Variants in ELOVL6 observed in about 807,000 individuals in gnomAD.
ELOVL6 encodes the protein ELOVL fatty acid elongase 6.
A neutral mutation model predicts 31.7 loss-of-function variants in ELOVL6; 8 were observed. The observed-to-expected ratio is 0.25, with a 90% confidence interval of 0.15 to 0.45. The LOEUF (loss-of-function observed/expected upper bound fraction) is 0.45. ELOVL6 is among the 20% of genes least tolerant of loss of function. ELOVL6 has a pLI of 1.00. For missense variants in ELOVL6, 126 were observed against 326.4 expected (o/e 0.39, Z 4.73); for synonymous variants, 101 against 117.7 (o/e 0.86, Z 0.92).
rs144580204 is a variant in ELOVL6, at chr4:110,129,721, A to G, written c.90-24093T>C. Among the ~76,000 whole-genome samples the G allele has an allele frequency of 6.6e-5, 10 of 152,304 alleles. 1 individual carries two copies. The East Asian group carries it at 1.9e-3, about 29-fold the overall frequency. On this transcript the variant is annotated intron_variant, in intron 1 of 3. Coordinates refer to ENST00000302274, the MANE Select transcript of ELOVL6 (RefSeq NM_024090.3). ...AGCCGTGGGGCAGCCCACATGAGAA[A>G]GACAATGAAGTAAAAGATGAAATCA...
rs397994948 is a variant in ELOVL6 at position 110,186,803 on chromosome 4, CAAA to C, written c.89+11441_89+11443del. Among the ~76,000 whole-genome samples the C allele has an allele frequency of 4.5e-3, 368 of 82,502 alleles. 1 individual carries two copies. Among genetic ancestry groups the C allele is most frequent in the African/African-American group, 0.01 (204 of 19,678 alleles). 54.1% of individuals were successfully genotyped at this position (82,502 alleles called of 152,430 possible). The stretch of plus-strand genomic sequence containing the variant: ...TAGGTAACAGAACGAGACTCTGTCT[CAAA>C]AAAAAAAAAAAAAAAAATATATATA... On this transcript the variant is annotated intron_variant, in intron 1 of 3. Coordinates refer to ENST00000302274, the MANE Select transcript of ELOVL6 (RefSeq NM_024090.3).
chr4:110,175,058 A>T (rs1759060096), intron 1 of ELOVL6, among the ~76,000 whole-genome samples: 1 of 152,068 alleles, frequency 6.6e-6, no homozygotes, highest in South Asian at 2.1e-4. Context: ...AAAAAAAAAA[A>T]TCAAATCACT....
At chr4:110,179,375 A>G (rs528816684) in intron 1 of ELOVL6, among the ~76,000 whole-genome samples, 1 of 151,850 alleles carries the variant, frequency 6.6e-6, no homozygotes, top group African/African-American at 2.4e-5. Context: ...GTGTGGTGGC[A>G]CATGCCTGTA....
At chr4:110,100,907 T>C (rs183160106) in intron 2 of ELOVL6, among the ~76,000 whole-genome samples, 105 of 152,324 alleles carry the variant, frequency 6.9e-4, no homozygotes, top group African/African-American at 2.3e-3. Flanking sequence ...TGAAAATGCA[T>C]GAATTATAGT....
chr4:110,056,604 T>C (rs962056124), intron 3 of ELOVL6, among the ~76,000 whole-genome samples: 1 of 152,160 alleles, frequency 6.6e-6, no homozygotes, highest in Non-Finnish European at 1.5e-5. Context: ...TATGAAGAAT[T>C]TGTGTTACTA....
At chr4:110,179,617 A>C (rs2126277182) in intron 1 of ELOVL6, among the ~76,000 whole-genome samples, 1 of 152,356 alleles carries the variant, frequency 6.6e-6, no homozygotes, top group African/African-American at 2.4e-5. Flanking sequence ...CTAATATTAA[A>C]GACAACTAGC....
chr4:110,086,968 T>C (rs953166131), intron 2 of ELOVL6, among the ~76,000 whole-genome samples: 1 of 152,094 alleles, frequency 6.6e-6, no homozygotes, highest in African/African-American at 2.4e-5. Context: ...TGCAGGTCTG[T>C]TGTGAGGATG....
At chr4:110,058,757 T>C (rs1755063371) in intron 3 of ELOVL6, among the ~76,000 whole-genome samples, 1 of 152,120 alleles carries the variant, frequency 6.6e-6, no homozygotes, top group Admixed American at 6.6e-5. Flanking sequence ...ACTAAATATG[T>C]ATAATTCTTA....
In ELOVL6 at chr4:110,092,687, C is replaced by G. The variant is rs28482111; in HGVS notation, c.221+12810G>C. On this transcript the variant is annotated intron_variant, in intron 2 of 3. Transcript: ENST00000302274. ...GTGGCTACAGTATTTTATTTATGGACGTCAGCATCATTTGAAGCATTCCAG... is the reference window on the plus strand; with the variant it reads ...GTGGCTACAGTATTTTATTTATGGAGGTCAGCATCATTTGAAGCATTCCAG... Among the ~76,000 whole-genome samples the G allele has an allele frequency of 2.8e-3, 423 of 152,184 alleles. 3 individuals are homozygous for G. Among genetic ancestry groups the G allele is most frequent in the African/African-American group, 8.7e-3 (360 of 41,524 alleles).
At chr4:110,052,960 G>A (rs1033701481) in intron 3 of ELOVL6, among the ~76,000 whole-genome samples, 1 of 152,052 alleles carries the variant, frequency 6.6e-6, no homozygotes, top group Admixed American at 6.5e-5. Context: ...TTTTTTGTTT[G>A]TTTTTGAGAC....
intron 1 of ELOVL6, among the ~76,000 whole-genome samples, chr4:110,193,422 CG>C (rs1560866820): frequency 6.6e-6 from 1 of 152,010 alleles, no homozygotes; most frequent in East Asian, 1.9e-4. Context: ...CTGACCAACA[CG>C]GTGAATTCCC....
intron 1 of ELOVL6, among the ~76,000 whole-genome samples, chr4:110,152,967 C>T (rs535398627): frequency 6.6e-6 from 1 of 152,222 alleles, no homozygotes; most frequent in East Asian, 1.9e-4. Context: ...CTATGTGACC[C>T]CTCCGTGAGT....
chr4:110,095,436 C>T (rs555564052), intron 2 of ELOVL6, among the ~76,000 whole-genome samples: 13 of 149,246 alleles, frequency 8.7e-5, no homozygotes, highest in Admixed American at 2.7e-4. Flanking sequence ...GAGCCTAGAT[C>T]GCACCACTGC....
At chr4:110,080,737 G>C (rs1755815399) in intron 2 of ELOVL6, among the ~76,000 whole-genome samples, 1 of 152,126 alleles carries the variant, frequency 6.6e-6, no homozygotes, top group Non-Finnish European at 1.5e-5. Context: ...GGAAGTTCTG[G>C]CCAGGGTAAT....
intron 2 of ELOVL6, among the ~76,000 whole-genome samples, chr4:110,080,541 G>A (rs140261592): frequency 0.034 from 5,104 of 152,112 alleles, 114 homozygotes; most frequent in East Asian, 0.11. Flanking sequence ...AAATTCAACA[G>A]CGCTTCATGC....
chr4:110,065,920 GT>G (rs560572562), intron 2 of ELOVL6, among the ~76,000 whole-genome samples: 54 of 152,114 alleles, frequency 3.5e-4, no homozygotes, highest in Non-Finnish European at 1.2e-4. Flanking sequence ...TTAAATGTAA[GT>G]TTTTTTGGAA....
rs570250269 is a variant in ELOVL6 at position 110,183,917 on chromosome 4, C to T, written c.89+14330G>A. Among the ~76,000 whole-genome samples, 7 of 152,216 alleles carry T rather than the reference C, an allele frequency of 4.6e-5. No homozygotes were observed. The East Asian group carries it at 7.7e-4, about 17-fold the overall frequency. The stretch of plus-strand genomic sequence containing the variant: ...GGATCACTTTAGACTGGGAGGCAGA[C>T]GTTGCAGTGAGCTGAGATCGTACCA... On this transcript the variant is annotated intron_variant, in intron 1 of 3. Transcript: ENST00000302274.
chr4:110,120,444 G>A (rs1308528864), intron 1 of ELOVL6, among the ~76,000 whole-genome samples: 2 of 151,852 alleles, frequency 1.3e-5, no homozygotes, highest in South Asian at 4.2e-4. Flanking sequence ...CTAGATGTCT[G>A]AGTGTGATAA....
intron 1 of ELOVL6, among the ~76,000 whole-genome samples, chr4:110,134,402 C>T (rs11936079): frequency 0.12 from 17,548 of 152,030 alleles, 1,312 homozygotes; most frequent in East Asian, 0.28. Flanking sequence ...ACTTCTTACC[C>T]TCAGGAGTCA....
Sources: gnomAD v4.1 joint callset for allele counts (sites outside exome capture counted in the v4.1 genomes callset) on GRCh38, gnomAD v4.1.1 for gene constraint, MANE v1.5 for transcripts, NCBI Gene and HGNC (gene_info 2026-07-23, HGNC 2026-07-21) for gene names.